The following FSTL5 variants were observed in gnomAD, a reference collection of about 807,000 sequenced individuals.
FSTL5 encodes the protein follistatin like 5, also known as follistatin-related protein 5.
FSTL5 carries 62 observed loss-of-function variants against 89.1 expected under a neutral mutation model. The observed-to-expected ratio is 0.70, with a 90% CI of 0.57 to 0.86. The LOEUF is 0.86. FSTL5 is among the 40% of genes least tolerant of loss of function. The pLI, the probability that FSTL5 is intolerant of heterozygous loss-of-function variation, is 0.00. For synonymous variants in FSTL5, 383 were observed against 346.2 expected (o/e 1.11, Z -1.18); for missense variants, 1,057 against 1,001.6 (o/e 1.06, Z -0.75).
intron 4 of FSTL5, among the ~76,000 whole-genome samples, chr4:161,907,995 A>G (rs1733584000): frequency 6.6e-6 from 1 of 152,100 alleles, no homozygotes; most frequent in African/African-American, 2.4e-5. Context: ...GATTAGATAT[A>G]ATATGGTACA....
chr4:161,668,596 C>T (rs972810250), intron 6 of FSTL5, among the ~76,000 whole-genome samples: 1 of 152,104 alleles, frequency 6.6e-6, no homozygotes, highest in East Asian at 1.9e-4. Context: ...CTCTTCTAGG[C>T]ATAGATGCAA....
At chr4:161,622,004 T>A (rs1578974911) in intron 7 of FSTL5, among the ~76,000 whole-genome samples, 2 of 151,150 alleles carry the variant, frequency 1.3e-5, no homozygotes, top group South Asian at 2.1e-4. Context: ...CTCAAAAAAA[T>A]AAAATAAAAT....
At chr4:161,680,179 C>T (rs1427100186) in intron 6 of FSTL5, among the ~76,000 whole-genome samples, 1 of 151,566 alleles carries the variant, frequency 6.6e-6, no homozygotes, top group Non-Finnish European at 1.5e-5. Flanking sequence ...ATGAATATAA[C>T]CCAAGTCTCA....
chr4:161,766,176 C>T (rs1740992494), intron 5 of FSTL5, among the ~76,000 whole-genome samples: 1 of 152,158 alleles, frequency 6.6e-6, no homozygotes, highest in South Asian at 2.1e-4. Context: ...ATACTCAACG[C>T]AGCTGCTTAT....
At chr4:161,910,675 T>C (rs560590145) in intron 4 of FSTL5, among the ~76,000 whole-genome samples, 2 of 152,200 alleles carry the variant, frequency 1.3e-5, no homozygotes, top group African/African-American at 4.8e-5. Context: ...TAATTGAAAT[T>C]ACCATCATCT....
intron 6 of FSTL5, among the ~76,000 whole-genome samples, chr4:161,723,351 TA>T (rs1055512634): frequency 9.9e-5 from 15 of 151,686 alleles, no homozygotes; most frequent in Admixed American, 2.6e-4. Context: ...TTAAAAAAAT[TA>T]AAAAAAAATC....
At chr4:161,845,038 A>T (rs1043913769) in intron 4 of FSTL5, among the ~76,000 whole-genome samples, 1 of 152,178 alleles carries the variant, frequency 6.6e-6, no homozygotes, top group Non-Finnish European at 1.5e-5. Context: ...TTGATTTGGT[A>T]TTAAAAGTAA....
chr4:161,631,188 A>T (rs1735494586), intron 7 of FSTL5, among the ~76,000 whole-genome samples: 1 of 152,232 alleles, frequency 6.6e-6, no homozygotes, highest in Admixed American at 6.5e-5. Context: ...GCCCATTTCT[A>T]CCTTCATAAC....
chr4:161,397,122 G>A lies in FSTL5; in HGVS notation c.1842-10673C>T, dbSNP rs553018885. On this transcript the variant is annotated intron_variant, in intron 15 of 15. Coordinates refer to ENST00000306100, the MANE Select transcript of FSTL5 (RefSeq NM_020116.5). ...CTTCTGTTTGTATGCCTTTAACAAT[G>A]TGAATGTCTTACCCATGCAACAAAT... Among the ~76,000 whole-genome samples the A allele has an allele frequency of 2.0e-5, 3 of 152,208 alleles. No homozygotes were observed. The South Asian group carries it at 6.2e-4, about 32-fold the overall frequency.
chr4:161,992,672 A>G (rs1036460115), intron 3 of FSTL5, among the ~76,000 whole-genome samples: 2 of 150,914 alleles, frequency 1.3e-5, no homozygotes, highest in African/African-American at 2.4e-5. Flanking sequence ...GCGAAACCCC[A>G]TCTCTACTAA....
chr4:161,695,303 C>CGATGTTT (rs1262815415), intron 6 of FSTL5, among the ~76,000 whole-genome samples: 1 of 151,968 alleles, frequency 6.6e-6, no homozygotes, highest in Non-Finnish European at 1.5e-5. Context: ...TAAGAACATA[C>CGATGTTT]GATGTTTGGT....
chr4:162,000,563 A>T (rs1039472257), intron 3 of FSTL5, among the ~76,000 whole-genome samples: 1 of 151,648 alleles, frequency 6.6e-6, no homozygotes, highest in Non-Finnish European at 1.5e-5. Flanking sequence ...GCCCCACGAT[A>T]CTCCAGCCTG....
intron 15 of FSTL5, among the ~76,000 whole-genome samples, chr4:161,413,790 G>A (rs1446413101): frequency 6.6e-6 from 1 of 152,172 alleles, no homozygotes; most frequent in Non-Finnish European, 1.5e-5. Context: ...GATGTAGCTG[G>A]AGGCCATAAT....
chr4:161,684,410 C>T (rs924237536), intron 6 of FSTL5, among the ~76,000 whole-genome samples: 2 of 152,154 alleles, frequency 1.3e-5, no homozygotes, highest in Non-Finnish European at 2.9e-5. Flanking sequence ...AGAAGTATTC[C>T]GTGTTCACTA....
chr4:162,065,191 A>G (rs904260596), intron 2 of FSTL5, among the ~76,000 whole-genome samples: 89 of 152,160 alleles, frequency 5.8e-4, no homozygotes, highest in African/African-American at 2.1e-3. Flanking sequence ...TTTGACATTA[A>G]TCTTGGCAAT....
At chr4:162,095,759 C>T (rs1004819232) in intron 2 of FSTL5, among the ~76,000 whole-genome samples, 1 of 151,788 alleles carries the variant, frequency 6.6e-6, no homozygotes, top group African/African-American at 2.4e-5. Flanking sequence ...TTACTTAGAA[C>T]ATCAAGTTTT....
At chr4:162,001,014 G>C (rs546463054) in intron 3 of FSTL5, among the ~76,000 whole-genome samples, 1 of 152,282 alleles carries the variant, frequency 6.6e-6, no homozygotes, top group East Asian at 1.9e-4. Context: ...ATATCTCACT[G>C]ATCCAGATCT....
At chr4:161,722,355 A>C (rs543517998) in intron 6 of FSTL5, among the ~76,000 whole-genome samples, 1 of 152,300 alleles carries the variant, frequency 6.6e-6, no homozygotes. Context: ...GATCTGATTC[A>C]AAATAAAGAG....
intron 6 of FSTL5, among the ~76,000 whole-genome samples, chr4:161,753,588 A>G (rs541122165): frequency 2.0e-5 from 3 of 152,152 alleles, no homozygotes; most frequent in Non-Finnish European, 4.4e-5. Flanking sequence ...GTTTTTATAT[A>G]CTAATGATCT....
Sources: gnomAD v4.1 joint callset for allele counts (sites outside exome capture counted in the v4.1 genomes callset) on GRCh38, gnomAD v4.1.1 for gene constraint, MANE v1.5 for transcripts, NCBI Gene and HGNC (gene_info 2026-07-23, HGNC 2026-07-21) for gene names.